UBR3: variants seen among roughly 807,000 people sequenced by gnomAD.
UBR3 encodes E3 ubiquitin-protein ligase UBR3.
A neutral mutation model predicts 243.2 loss-of-function variants in UBR3; 85 were observed. That is an observed-to-expected ratio of 0.35 (90% CI 0.29 to 0.42). The LOEUF (loss-of-function observed/expected upper bound fraction) is 0.42. Ranked by LOEUF, UBR3 falls within the 10% of genes least tolerant of loss-of-function variation. The pLI, the probability that UBR3 is intolerant of heterozygous loss-of-function variation, is 1.00. For synonymous variants in UBR3, 748 were observed against 799.8 expected, an observed-to-expected ratio of 0.94 and a Z score of 1.09; for missense variants, 1,686 against 2,300.8, an observed-to-expected ratio of 0.73 and a Z score of 5.47.
intron 36 of UBR3, chr2:170,078,097 C>T: frequency 1.5e-6 from 1 of 645,810 alleles, no homozygotes; most frequent in Non-Finnish European, 2.9e-6. Context: ...TTTCATGCAT[C>T]TTGATGGTCT....
intron 30 of UBR3, among the ~76,000 whole-genome samples, chr2:170,023,416 T>C (rs879891811): frequency 3.3e-4 from 50 of 151,108 alleles, no homozygotes; most frequent in Admixed American, 4.6e-4. Flanking sequence ...TGAAAATTTT[T>C]TTTTTTTTTT....
intron 30 of UBR3, among the ~76,000 whole-genome samples, chr2:170,028,250 C>T (rs1394107237): frequency 6.6e-6 from 1 of 151,778 alleles, no homozygotes; most frequent in Non-Finnish European, 1.5e-5. Flanking sequence ...TCCCAAAATA[C>T]TATACACATA....
intron 32 of UBR3, among the ~76,000 whole-genome samples, chr2:170,053,601 G>A (rs1433604829): frequency 6.6e-6 from 1 of 152,174 alleles, no homozygotes; most frequent in Non-Finnish European, 1.5e-5. Context: ...ATCAAACCTG[G>A]CAGTGGTCTT....
rs58906872 is a variant in UBR3, at chr2:169,876,903, C to A, written c.845-591C>A. On this transcript the variant is annotated intron_variant, in intron 3 of 38. Transcript: ENST00000272793. ...TTAAACGCAAGGCTGAGAAGTGATC[C>A]CCTTTCTTTAACAGTAACAACCATC... 5.6e-3 allele frequency among the ~76,000 whole-genome samples: 846 copies of A among 152,102 alleles called. 7 individuals carry two copies. Among genetic ancestry groups the A allele is most frequent in the African/African-American group, 0.019 (798 of 41,478 alleles).
Position 170,061,375 on chromosome 2 carries a change from T to C in UBR3, c.4951T>C (p.Leu1651=), listed in dbSNP as rs555673147. 1 of 1,614,206 alleles carries C rather than the reference T, an allele frequency of 6.2e-7. No homozygotes were observed. Among genetic ancestry groups the C allele is most frequent in the South Asian group, 1.1e-5 (1 of 91,086 alleles). The change falls in exon 35 of 39, where the codon TTA becomes CTA. Residue 1651 remains leucine, a synonymous_variant. Transcript: ENST00000272793. ...GGAAAAATGCTTACAGGACTTCTGCTTACCTTTTCTCAGAATCACCAGCCT... is the reference window on the plus strand; with the variant it reads ...GGAAAAATGCTTACAGGACTTCTGCCTACCTTTTCTCAGAATCACCAGCCT... ...SMEKCLQDFC[L]PFLRITSLLQ...
intron 11 of UBR3, among the ~76,000 whole-genome samples, chr2:169,923,101 T>A (rs1457293469): frequency 6.6e-6 from 1 of 152,206 alleles, no homozygotes; most frequent in Non-Finnish European, 1.5e-5. Flanking sequence ...CTGTAGTGAT[T>A]TTGTGATCCA....
chr2:169,967,267 C>T (rs1472692749), intron 24 of UBR3, among the ~76,000 whole-genome samples: 3 of 136,976 alleles, frequency 2.2e-5, no homozygotes, highest in African/African-American at 5.4e-5. Flanking sequence ...CGCCCCCCGC[C>T]CCCCCCCACA....
At chr2:169,852,973 G>C (rs1305709594) in intron 1 of UBR3, among the ~76,000 whole-genome samples, 1 of 151,060 alleles carries the variant, frequency 6.6e-6, no homozygotes, top group Non-Finnish European at 1.5e-5. Flanking sequence ...TAGCAAACGT[G>C]TGTATGAATA....
intron 5 of UBR3, among the ~76,000 whole-genome samples, chr2:169,881,693 T>C (rs2083836611): frequency 7.2e-6 from 1 of 138,208 alleles, no homozygotes; most frequent in African/African-American, 2.7e-5. Context: ...TACACATATA[T>C]ACATATATAA....
intron 19 of UBR3, among the ~76,000 whole-genome samples, chr2:169,941,999 C>T (rs2086609990): frequency 6.6e-6 from 1 of 152,188 alleles, no homozygotes; most frequent in African/African-American, 2.4e-5. Flanking sequence ...TGCTCAAGGA[C>T]TTTAAAACCA....
At chr2:170,061,847 A>C (rs1225799377) in intron 35 of UBR3, among the ~76,000 whole-genome samples, 3 of 152,216 alleles carry the variant, frequency 2.0e-5, no homozygotes, top group Non-Finnish European at 4.4e-5. Context: ...TCATATGACT[A>C]TATGTTAATC....
Position 169,925,601 on chromosome 2 carries a change from C to T in UBR3, c.2023-18C>T. On this transcript the variant is annotated intron_variant, in intron 13 of 38. Transcript: ENST00000272793. The stretch of plus-strand genomic sequence containing the variant: ...TGCATTTAGATAATTTATTCTTTGT[C>T]CAATTTACTTTTATTAGGCAAGTCT... 2.6e-6 allele frequency: 4 copies of T among 1,526,690 alleles called. No individual in the cohort carries two copies. Among genetic ancestry groups the T allele is most frequent in the Admixed American group, 2.2e-5 (1 of 45,690 alleles). 94.6% of individuals were successfully genotyped at this position (1,526,690 alleles called of 1,614,324 possible).
chr2:169,998,094 A>G lies in UBR3; in HGVS notation c.3919-3210A>G, dbSNP rs1358612613. Among the ~76,000 whole-genome samples the G allele has an allele frequency of 2.0e-5, 3 of 152,030 alleles. No homozygotes were observed. The East Asian group carries it at 5.8e-4, about 29-fold the overall frequency. Reference sequence around the variant, plus strand: ...TAGACCTGGCCCTGTCTGTCTAGGAATTTGTCTGTCTCCTGCCACTATCAA... The same window carrying G: ...TAGACCTGGCCCTGTCTGTCTAGGAGTTTGTCTGTCTCCTGCCACTATCAA... On this transcript the variant is annotated intron_variant, in intron 26 of 38. Coordinates refer to ENST00000272793, the MANE Select transcript of UBR3 (RefSeq NM_172070.4).
chr2:169,898,604 C>G (rs2084682754), intron 8 of UBR3, among the ~76,000 whole-genome samples: 1 of 151,716 alleles, frequency 6.6e-6, no homozygotes. Context: ...TGTGAGTCTG[C>G]CTTCCCATTG....
At chr2:170,081,576 G>C (rs2091907804) in intron 38 of UBR3, 150 bp from the exon 39 acceptor site, 1 of 456,176 alleles carries the variant, frequency 2.2e-6, no homozygotes, top group Non-Finnish European at 3.9e-6. Flanking sequence ...TGTAATCCCA[G>C]CTACTCGAGA....
chr2:170,062,922 C>G (rs1293691588), intron 35 of UBR3, among the ~76,000 whole-genome samples: 1 of 152,102 alleles, frequency 6.6e-6, no homozygotes, highest in Non-Finnish European at 1.5e-5. Context: ...TAGAAAGGAA[C>G]AGTGTGACAT....
chr2:169,952,971 CA>C (rs2087107165), intron 23 of UBR3, among the ~76,000 whole-genome samples: 1 of 152,034 alleles, frequency 6.6e-6, no homozygotes, highest in Non-Finnish European at 1.5e-5. Flanking sequence ...TCTTAGTGGT[CA>C]GATCCTTCTT....
chr2:169,926,842 A>G lies in UBR3; in HGVS notation c.2209A>G (p.Lys737Glu). The change falls in exon 16 of 39, where the codon AAG (lysine) becomes GAG (glutamate). Residue 737 changes from lysine to glutamate, a missense_variant. Around this residue, in one of 8 missense-constraint regions of UBR3, gnomAD observed 346 missense variants for 585.8 expected, o/e 0.59. Coordinates refer to ENST00000272793, the MANE Select transcript of UBR3 (RefSeq NM_172070.4). The part of the protein sequence containing the change: ...YFISSVFERF[K>E]VVDLLTMASQ... Reference sequence around the variant, plus strand: ...TTCAAATATTTCTTCTTGTAGATTTAAGGTAGTGGATTTGTTGACAATGGC... The same window carrying G: ...TTCAAATATTTCTTCTTGTAGATTTGAGGTAGTGGATTTGTTGACAATGGC... 1.9e-6 allele frequency: 3 copies of G among 1,548,868 alleles called. No homozygotes were observed. The highest frequency in any genetic ancestry group is 2.6e-6 in the Non-Finnish European group (3 of 1,145,500).
chr2:169,869,299 G>A (rs1032383096), intron 1 of UBR3, among the ~76,000 whole-genome samples: 2 of 134,870 alleles, frequency 1.5e-5, no homozygotes, highest in Admixed American at 1.8e-4. Flanking sequence ...TCGGCTCACT[G>A]CAACCTCTGC....
Sources: gnomAD v4.1 joint callset for allele counts (sites outside exome capture counted in the v4.1 genomes callset) on GRCh38, gnomAD v4.1.1 for gene constraint, gnomAD v4.1.1 regional missense constraint, MANE v1.5 for transcripts, NCBI Gene and HGNC (gene_info 2026-07-23, HGNC 2026-07-21) for gene names.